The following IGF2R variants were observed in gnomAD, a reference collection of about 807,000 sequenced individuals.
IGF2R encodes insulin like growth factor 2 receptor.
IGF2R carries 91 observed loss-of-function variants against 270.6 expected under a neutral mutation model. That is an observed-to-expected ratio of 0.34 (90% CI 0.28 to 0.40). The LOEUF (loss-of-function observed/expected upper bound fraction) is 0.40, where lower values mean the gene tolerates loss of function less well. Ranked by LOEUF, IGF2R falls within the 10% of genes least tolerant of loss-of-function variation. The pLI, the probability that IGF2R is intolerant of heterozygous loss-of-function variation, is 1.00. For missense variants in IGF2R, 2,805 were observed against 3,188.3 expected, an observed-to-expected ratio of 0.88 and a Z score of 2.90; for synonymous variants, 1,316 against 1,258.9, an observed-to-expected ratio of 1.05 and a Z score of -0.96.
chr6:160,052,555 G>T (rs936034255), intron 19 of IGF2R, among the ~76,000 whole-genome samples: 1 of 152,074 alleles, frequency 6.6e-6, no homozygotes, highest in African/African-American at 2.4e-5. Flanking sequence ...GCTACCAATG[G>T]TTTTCTTCAC....
At chr6:160,036,077 G>A (rs113220501) in intron 10 of IGF2R, among the ~76,000 whole-genome samples, 1 of 152,314 alleles carries the variant, frequency 6.6e-6, no homozygotes, top group African/African-American at 2.4e-5. Flanking sequence ...AACGGTGAGT[G>A]TGCAGTATTG....
In IGF2R at chr6:160,075,990, G is replaced by A; in HGVS notation, c.5310G>A (p.Val1770=). The A allele has an allele frequency of 6.2e-7, 1 of 1,614,156 alleles. No homozygotes were observed. Among genetic ancestry groups the A allele is most frequent in the Non-Finnish European group, 8.5e-7 (1 of 1,180,016 alleles). ...TCGCGTTTCACTGTAAGAGAGGTGT[G>A]AGCATGGTAAGTGTGGGCCTGTGAC... ...SLIAFHCKRG[V]SMGTPKLLRT... The change falls in exon 36 of 48, where the codon GTG becomes GTA. Residue 1770 remains valine, a synonymous_variant. Coordinates refer to ENST00000356956, the MANE Select transcript of IGF2R (RefSeq NM_000876.4).
At chr6:160,072,360 C>T (rs147896671) in intron 32 of IGF2R, among the ~76,000 whole-genome samples, 3 of 152,304 alleles carry the variant, frequency 2.0e-5, no homozygotes, top group Admixed American at 2.0e-4. Context: ...TTAGAGCTAG[C>T]CCCTGGCTGC....
chr6:160,032,574 T>G lies in IGF2R; in HGVS notation c.906T>G (p.Ala302=), dbSNP rs771816515. The G allele has an allele frequency of 6.2e-7, 1 of 1,614,116 alleles. No individual in the cohort carries two copies. Among genetic ancestry groups the G allele is most frequent in the Non-Finnish European group, 8.5e-7 (1 of 1,179,988 alleles). ...RREGTIPKLT[A]KSNCRYEIEW... is the part of the protein sequence containing the mutation. ...AGGGCACCATTCCCAAACTCACAGC[T>G]AAATCCAACTGCCGCTATGAAATTG... The change falls in exon 8 of 48, where the codon GCT becomes GCG. Residue 302 remains alanine, a synonymous_variant. Coordinates refer to ENST00000356956, the MANE Select transcript of IGF2R (RefSeq NM_000876.4).
chr6:160,042,071 A>G (rs1233638776), intron 11 of IGF2R, among the ~76,000 whole-genome samples: 1 of 152,102 alleles, frequency 6.6e-6, no homozygotes, highest in Non-Finnish European at 1.5e-5. Context: ...ACATTTTTCA[A>G]TCTACAGACT....
At chr6:160,095,500 T>C (rs749350338) in intron 44 of IGF2R, 11 of 152,274 alleles carry the variant, frequency 7.2e-5, no homozygotes, top group Non-Finnish European at 1.2e-4. Flanking sequence ...TGGCAAATGT[T>C]AATGCTAGAA....
chr6:160,080,406 C>T (rs1002310097), intron 39 of IGF2R, 131 bp downstream of exon 39: 40 of 919,276 alleles, frequency 4.4e-5, no homozygotes, highest in Middle Eastern at 6.9e-4. Flanking sequence ...TTTTCTTACT[C>T]GGGCTGTTTC....
At chr6:160,086,997 G>A (rs1431999619) in intron 41 of IGF2R, among the ~76,000 whole-genome samples, 1 of 152,112 alleles carries the variant, frequency 6.6e-6, no homozygotes, top group East Asian at 1.9e-4. Context: ...ACAGCCCCCT[G>A]CGCAGCCACA....
chr6:160,027,706 C>T (rs1031006442), intron 6 of IGF2R, among the ~76,000 whole-genome samples: 1 of 152,200 alleles, frequency 6.6e-6, no homozygotes, highest in Non-Finnish European at 1.5e-5. Context: ...TGCTGGTGAC[C>T]TTCACTGGGA....
chr6:160,079,561 A>G lies in IGF2R; in HGVS notation c.5479-19A>G, dbSNP rs1778931742. The G allele has an allele frequency of 1.4e-6, 2 of 1,409,206 alleles. No homozygotes were observed. The highest frequency in any genetic ancestry group is 2.9e-5 in the African/African-American group (2 of 68,038). 87.3% of individuals were successfully genotyped at this position (1,409,206 alleles called of 1,614,324 possible). ...GGGTGCTGCCACTCTGCTGACGGCC[A>G]CGCATGGTTTTTGTCCAGGTGACTC... On this transcript the variant is annotated intron_variant, in intron 37 of 47. Transcript: ENST00000356956.
intron 2 of IGF2R, among the ~76,000 whole-genome samples, chr6:159,992,602 A>ACT (rs1345001346): frequency 6.5e-5 from 9 of 138,962 alleles, no homozygotes; most frequent in Non-Finnish European, 1.1e-4. Context: ...ATGAAATCAC[A>ACT]CACACACACA....
chr6:160,062,168 A>ATTTTTTTTTTTTTTTTTTTTT (rs34356477), intron 25 of IGF2R, among the ~76,000 whole-genome samples: 1 of 106,620 alleles, frequency 9.4e-6, no homozygotes, highest in Non-Finnish European at 1.8e-5. Flanking sequence ...CATTTATTTA[A>ATTTTTTTTTTTTTTTTTTTTT]TTTTTTTTTT....
At chr6:160,032,787 G>T in intron 8 of IGF2R, 74 bp downstream of exon 8, 1 of 1,516,368 alleles carries the variant, frequency 6.6e-7, no homozygotes, top group Non-Finnish European at 9.0e-7. Context: ...GACAGTAGGG[G>T]CCAAGTCAGT....
At chr6:160,061,443 A>G (rs1778436044) in intron 23 of IGF2R, 60 bp from the exon 24 acceptor site, 1 of 1,523,114 alleles carries the variant, frequency 6.6e-7, no homozygotes, top group Non-Finnish European at 9.0e-7. Flanking sequence ...GGTGAAAGGC[A>G]GTTCTTGAGT....
intron 10 of IGF2R, among the ~76,000 whole-genome samples, chr6:160,035,314 C>T (rs1777793656): frequency 6.6e-6 from 1 of 152,174 alleles, no homozygotes; most frequent in African/African-American, 2.4e-5. Context: ...TTTTCTACAG[C>T]AGAGCTTTGG....
At position 160,032,570 on chromosome 6, in the gene IGF2R, C is replaced by T. The variant is rs1445412501; in HGVS notation, c.902C>T (p.Thr301Ile). Residue 301 changes from threonine to isoleucine, a missense_variant, in exon 8 of 48, where the codon ACA becomes ATA. Around this residue, in one of 2 missense-constraint regions of IGF2R, gnomAD observed 954 missense variants for 981.1 expected, o/e 0.97. Transcript: ENST00000356956. ...ERREGTIPKL[T>I]AKSNCRYEIE... is the part of the protein sequence containing the mutation. Reference sequence around the variant, plus strand: ...TGATAGGGCACCATTCCCAAACTCACAGCTAAATCCAACTGCCGCTATGAA... The same window carrying T: ...TGATAGGGCACCATTCCCAAACTCATAGCTAAATCCAACTGCCGCTATGAA... 6.2e-7 allele frequency: 1 copy of T among 1,613,876 alleles called. No individual in the cohort carries two copies. Among genetic ancestry groups the T allele is most frequent in the Admixed American group, 1.7e-5 (1 of 59,986 alleles).
intron 20 of IGF2R, among the ~76,000 whole-genome samples, chr6:160,057,331 C>T (rs1778337594): frequency 6.6e-6 from 1 of 152,200 alleles, no homozygotes. Flanking sequence ...GAGTTGTTTT[C>T]ACAGCACCGT....
chr6:160,060,030 TCATAA>T (rs2115260885), intron 22 of IGF2R, among the ~76,000 whole-genome samples: 1 of 152,384 alleles, frequency 6.6e-6, no homozygotes, highest in Non-Finnish European at 1.5e-5. Context: ...TAGAAACCTG[TCATAA>T]CATAGGCCGC....
chr6:160,091,594 C>G (rs1054205373), intron 44 of IGF2R, among the ~76,000 whole-genome samples: 2 of 152,202 alleles, frequency 1.3e-5, no homozygotes, highest in African/African-American at 4.8e-5. Context: ...GAAAGTTGAT[C>G]AGCCTCATTC....
Sources: gnomAD v4.1 joint callset for allele counts (sites outside exome capture counted in the v4.1 genomes callset) on GRCh38, gnomAD v4.1.1 for gene constraint, gnomAD v4.1.1 regional missense constraint, MANE v1.5 for transcripts, NCBI Gene and HGNC (gene_info 2026-07-23, HGNC 2026-07-21) for gene names.